UTS2: variants seen among roughly 807,000 people sequenced by gnomAD.
UTS2 encodes urotensin-2.
Under a neutral mutation model 12.6 loss-of-function variants are expected in UTS2, and 10 were observed. The ratio of observed to expected loss-of-function variants is 0.80; its 90% CI spans 0.49 to 1.35. The LOEUF is 1.35. Among genes scored for constraint, UTS2 ranks in the 40% most tolerant of loss-of-function variants. The pLI, the probability that UTS2 is intolerant of heterozygous loss-of-function variation, is 0.00. For missense variants in UTS2, 142 were observed against 143.2 expected (o/e 0.99, Z 0.04); for synonymous variants, 52 against 50.0 (o/e 1.04, Z -0.17).
upstream of UTS2, chr1:7,853,226 A>G: frequency 6.3e-7 from 1 of 1,582,062 alleles, no homozygotes. Context: ...CAATAAATTA[A>G]CTGTCTTGTT....
At chr1:7,857,780 G>T (rs1290604326), upstream of UTS2, among the ~76,000 whole-genome samples, 2 of 150,332 alleles carry the variant, frequency 1.3e-5, no homozygotes, top group African/African-American at 4.9e-5. Context: ...AGCCTGGGAG[G>T]TTGAGGTTGC....
At chr1:7,879,727 C>A in the UTS2 span, among the ~76,000 whole-genome samples, 1 of 147,626 alleles carries the variant, frequency 6.8e-6, no homozygotes, top group Non-Finnish European at 1.5e-5. Context: ...GATGATAGAG[C>A]AAGACTCTGT....
At chr1:7,891,463 C>G in the UTS2 span, among the ~76,000 whole-genome samples, 4 of 150,690 alleles carry the variant, frequency 2.7e-5, no homozygotes, top group South Asian at 8.4e-4. Flanking sequence ...GAGGCTGAGG[C>G]TACAATGAGC....
the UTS2 span, among the ~76,000 whole-genome samples, chr1:7,883,377 G>A: frequency 6.6e-6 from 1 of 152,132 alleles, no homozygotes; most frequent in Non-Finnish European, 1.5e-5. Context: ...CTAGAGTCTG[G>A]GAAGTATGGG....
At chr1:7,908,810 T>A in the UTS2 span, among the ~76,000 whole-genome samples, 2 of 75,302 alleles carry the variant, frequency 2.7e-5, no homozygotes, top group Admixed American at 1.5e-4. Context: ...AAGGCACAAT[T>A]TTTTTTTTTT....
chr1:7,906,051 C>G, the UTS2 span, among the ~76,000 whole-genome samples: 1 of 152,144 alleles, frequency 6.6e-6, no homozygotes, highest in Admixed American at 6.5e-5. Flanking sequence ...GAGGAACCAA[C>G]TGCTGCTGTA....
At chr1:7,910,163 G>A in the UTS2 span, among the ~76,000 whole-genome samples, 2 of 151,930 alleles carry the variant, frequency 1.3e-5, no homozygotes, top group South Asian at 2.1e-4. Context: ...CATTCTCCCC[G>A]CAAAGGCTAC....
At chr1:7,904,309 T>A in the UTS2 span, among the ~76,000 whole-genome samples, 812 of 130,254 alleles carry the variant, frequency 6.2e-3, 13 homozygotes, top group African/African-American at 0.02. Flanking sequence ...CTACAAAAAA[T>A]AAAAAAAAAA....
At chr1:7,902,249 G>A in the UTS2 span, among the ~76,000 whole-genome samples, 11 of 152,150 alleles carry the variant, frequency 7.2e-5, no homozygotes, top group Non-Finnish European at 1.3e-4. Context: ...GTTTTGTCCT[G>A]ATGGGACCAC....
chr1:7,862,998 GTATTGTATTGTATTGTA>G, the UTS2 span, among the ~76,000 whole-genome samples: 1 of 19,584 alleles, frequency 5.1e-5, no homozygotes, highest in African/African-American at 1.7e-4. Context: ...GTGTTGTATT[GTATTGTATTGTATTGTA>G]TTGTATTGTA....
the UTS2 span, among the ~76,000 whole-genome samples, chr1:7,863,749 G>A: frequency 6.6e-6 from 1 of 152,158 alleles, no homozygotes; most frequent in African/African-American, 2.4e-5. Flanking sequence ...GTTATCCATG[G>A]CTGTGTAAGA....
chr1:7,857,144 G>GAAGGAA (rs1491070160), upstream of UTS2, among the ~76,000 whole-genome samples: 22 of 149,774 alleles, frequency 1.5e-4, no homozygotes, highest in South Asian at 2.1e-4. Flanking sequence ...AGGAAGGAAG[G>GAAGGAA]TGAAGCATGT....
At chr1:7,856,720 C>G (rs913519069), upstream of UTS2, among the ~76,000 whole-genome samples, 5 of 152,208 alleles carry the variant, frequency 3.3e-5, no homozygotes, top group African/African-American at 1.2e-4. Flanking sequence ...CCAGCAGGGT[C>G]GGACAGAGGA....
At chr1:7,861,625 C>A in the UTS2 span, among the ~76,000 whole-genome samples, 1 of 152,160 alleles carries the variant, frequency 6.6e-6, no homozygotes, top group Non-Finnish European at 1.5e-5. Context: ...GCAGCAGGCC[C>A]CAGGTCAACG....
chr1:7,859,327 A>G, the UTS2 span, among the ~76,000 whole-genome samples: 2 of 152,214 alleles, frequency 1.3e-5, no homozygotes, highest in Admixed American at 1.3e-4. Flanking sequence ...TATATTTCAG[A>G]TAACCATTTG....
At chr1:7,860,399 C>T in the UTS2 span, among the ~76,000 whole-genome samples, 2 of 151,922 alleles carry the variant, frequency 1.3e-5, no homozygotes, top group Non-Finnish European at 2.9e-5. Flanking sequence ...CCAGGAGGCC[C>T]GTGTGGTTCA....
the UTS2 span, among the ~76,000 whole-genome samples, chr1:7,898,770 G>A: frequency 6.6e-6 from 1 of 152,130 alleles, no homozygotes; most frequent in African/African-American, 2.4e-5. Flanking sequence ...TTGGTCCAGA[G>A]CTAGGGACAG....
the UTS2 span, among the ~76,000 whole-genome samples, chr1:7,901,596 A>G: frequency 3.5e-5 from 5 of 142,602 alleles, no homozygotes; most frequent in South Asian, 4.5e-4. Context: ...ATGTGTATAT[A>G]TATTCATCTA....
At chr1:7,882,313 C>A in the UTS2 span, among the ~76,000 whole-genome samples, 14,032 of 152,096 alleles carry the variant, frequency 0.092, 1,059 homozygotes, top group African/African-American at 0.19. Context: ...CCAGCCTGGG[C>A]AACAGAGTGA....
Sources: allele counts gnomAD v4.1 joint callset (sites outside exome capture counted in the v4.1 genomes callset), GRCh38; gene constraint gnomAD v4.1.1; transcripts MANE v1.5; gene names NCBI Gene and HGNC (gene_info 2026-07-23, HGNC 2026-07-21).